FAM177A1: variants seen among roughly 807,000 people sequenced by gnomAD.
The protein encoded by FAM177A1 is family with sequence similarity 177 member A1.
In FAM177A1, 22 loss-of-function variants were observed where a neutral mutation model predicts 26.1. The ratio of observed to expected loss-of-function variants is 0.84; its 90% CI spans 0.60 to 1.20. FAM177A1 has a LOEUF of 1.20. Ranked by LOEUF, FAM177A1 falls within the 50% of genes most tolerant of loss-of-function variation. FAM177A1 has a pLI of 0.00. For missense variants in FAM177A1, 296 were observed against 291.1 expected (o/e 1.02, Z -0.12); for synonymous variants, 95 against 99.3 (o/e 0.96, Z 0.26).
At chr14:35,078,604 A>G (rs2045432119) in intron 3 of FAM177A1, among the ~76,000 whole-genome samples, 1 of 152,178 alleles carries the variant, frequency 6.6e-6, no homozygotes, top group South Asian at 2.1e-4. Context: ...TGCCTGCCTC[A>G]GCCTCCCAAA....
At chr14:35,046,259 A>C, upstream of FAM177A1, 3 of 456,280 alleles carry the variant, frequency 6.6e-6, no homozygotes, top group Non-Finnish European at 1.1e-5. Flanking sequence ...GCGAGCCGGT[A>C]GTTGCGCCTC....
intron 2 of FAM177A1, among the ~76,000 whole-genome samples, chr14:35,068,490 G>A (rs906593057): frequency 7.2e-5 from 11 of 152,136 alleles, no homozygotes; most frequent in South Asian, 2.1e-4. Flanking sequence ...GTGAACCACC[G>A]GCAGGAAATT....
chr14:35,065,075 G>A (rs1013362634), intron 2 of FAM177A1, among the ~76,000 whole-genome samples: 2 of 150,504 alleles, frequency 1.3e-5, no homozygotes, highest in Non-Finnish European at 1.5e-5. Flanking sequence ...ATTTTTTTTT[G>A]TTGTTTTTTA....
chr14:35,082,032 TC>T lies in FAM177A1; in HGVS notation c.*806del, dbSNP rs2045492148. On this transcript the variant is annotated 3_prime_UTR_variant, in exon 5 of 5. Coordinates refer to ENST00000280987, the MANE Select transcript of FAM177A1 (RefSeq NM_173607.5). ...GATAGTGGGACAGGTATAGATTTAA[TC>T]CATCAGGAGCAATTAGATATTGTAT... is the stretch of plus-strand genomic sequence containing the variant. The T allele has an allele frequency of 6.6e-6, 1 of 152,156 alleles. No homozygotes were observed. The highest frequency in any genetic ancestry group is 1.5e-5 in the Non-Finnish European group (1 of 68,038). 9.4% of individuals were successfully genotyped at this position (152,156 alleles called of 1,614,324 possible). A position where few individuals can be genotyped will look rare whatever the true frequency, so the allele number is the denominator to read the frequency against.
upstream of FAM177A1, chr14:35,045,873 C>G (rs1359116230): frequency 6.6e-6 from 1 of 152,170 alleles, no homozygotes; most frequent in East Asian, 1.9e-4. Flanking sequence ...GTATTTCAGA[C>G]AAGAGTAAGC....
At chr14:35,075,325 C>T (rs991232049) in intron 2 of FAM177A1, among the ~76,000 whole-genome samples, 8 of 152,154 alleles carry the variant, frequency 5.3e-5, no homozygotes, top group Non-Finnish European at 8.8e-5. Flanking sequence ...TTTTTTAAGA[C>T]TTAAAGAAGG....
intron 2 of FAM177A1, chr14:35,054,514 T>C (rs1489972463): frequency 1.3e-5 from 2 of 152,154 alleles, no homozygotes; most frequent in Non-Finnish European, 2.9e-5. Flanking sequence ...ATTTCTGCTC[T>C]CATATACTAG....
chr14:35,079,226 G>A (rs559531130), intron 4 of FAM177A1, among the ~76,000 whole-genome samples: 13 of 152,254 alleles, frequency 8.5e-5, no homozygotes, highest in African/African-American at 3.1e-4. Context: ...TATGATCTGT[G>A]TGCAAAACTA....
At chr14:35,076,169 A>G (rs1473671060) in intron 2 of FAM177A1, among the ~76,000 whole-genome samples, 1 of 152,208 alleles carries the variant, frequency 6.6e-6, no homozygotes, top group Non-Finnish European at 1.5e-5. Context: ...ACTATTCACA[A>G]TAGCAAAGAC....
chr14:35,061,142 C>T (rs2045147303), intron 2 of FAM177A1, among the ~76,000 whole-genome samples: 1 of 152,180 alleles, frequency 6.6e-6, no homozygotes, highest in Admixed American at 6.5e-5. Flanking sequence ...TCTTGGAACA[C>T]AGCCCCTGCA....
chr14:35,078,998 G>A lies in FAM177A1; in HGVS notation c.478G>A (p.Asp160Asn), dbSNP rs1220527721. The A allele has an allele frequency of 6.4e-7, 1 of 1,558,716 alleles. No homozygotes were observed. ...ISTPKYQYAIDEYYRMKKEEE... is the reference protein window; with the variant it reads ...ISTPKYQYAINEYYRMKKEEE... ...CACCCCAAAGTACCAATATGCCATT[G>A]ATGAATATTATCGGATGAAGAAGGA... The change falls in exon 4 of 5, where the codon GAT (aspartate) becomes AAT (asparagine). Residue 160 changes from aspartate (D) to asparagine (N), a missense_variant. Coordinates refer to ENST00000280987, the MANE Select transcript of FAM177A1 (RefSeq NM_173607.5).
chr14:35,059,903 G>A (rs1463014745), intron 2 of FAM177A1, among the ~76,000 whole-genome samples: 1 of 152,154 alleles, frequency 6.6e-6, no homozygotes, highest in African/African-American at 2.4e-5. Context: ...AACCTCAAAT[G>A]ATCCACCTTC....
rs183647679 is a variant in FAM177A1, at chr14:35,079,068, A to C, written c.504+44A>C. The stretch of plus-strand genomic sequence containing the variant: ...TTTTCTTGATTCAGTTTGGTTTGCT[A>C]TGGACTTGATGGGTTGCATAATGAG... On this transcript the variant is annotated intron_variant, in intron 4 of 4. Coordinates refer to ENST00000280987, the MANE Select transcript of FAM177A1 (RefSeq NM_173607.5). 6.9e-5 allele frequency: 99 copies of C among 1,432,832 alleles called. No homozygotes were observed. In the East Asian group the frequency reaches 2.3e-3, roughly 33 times the overall value. 88.8% of individuals were successfully genotyped at this position (1,432,832 alleles called of 1,614,324 possible). A position where few individuals can be genotyped will look rare whatever the true frequency, so the allele number is the denominator to read the frequency against.
chr14:35,080,443 G>T (rs2045463112), intron 4 of FAM177A1, among the ~76,000 whole-genome samples: 1 of 152,124 alleles, frequency 6.6e-6, no homozygotes, highest in Non-Finnish European at 1.5e-5. Context: ...AAAAAATAAA[G>T]TCCTTGTCAA....
intron 4 of FAM177A1, 130 bp from the exon 5 acceptor site, chr14:35,080,892 A>T: frequency 1.5e-6 from 2 of 1,329,670 alleles, no homozygotes; most frequent in Non-Finnish European, 2.0e-6. Context: ...TAATTAGACC[A>T]AACTGATTTG....
At position 35,053,723 on chromosome 14, in the gene FAM177A1, G is replaced by A. The variant is rs571622032; in HGVS notation, c.339+272G>A. On this transcript the variant is annotated intron_variant, in intron 2 of 4. Coordinates refer to ENST00000280987, the MANE Select transcript of FAM177A1 (RefSeq NM_173607.5). ...TTAAGATTGATCAGCCAGGCGCGGTGGCTCACACCTGTAATCCCAGCACTT... is the reference window on the plus strand; with the variant it reads ...TTAAGATTGATCAGCCAGGCGCGGTAGCTCACACCTGTAATCCCAGCACTT... Among the ~76,000 whole-genome samples, 4 of 152,216 alleles carry A rather than the reference G, an allele frequency of 2.6e-5. No homozygotes were observed. The South Asian group carries it at 8.3e-4, about 32-fold the overall frequency.
intron 2 of FAM177A1, 93 bp from the exon 3 acceptor site, chr14:35,077,057 C>T (rs563744556): frequency 1.3e-5 from 12 of 934,348 alleles, no homozygotes; most frequent in African/African-American, 8.2e-5. Context: ...AGAATATTCT[C>T]GGTGCCTACC....
chr14:35,071,278 T>G (rs2045317702), intron 2 of FAM177A1, among the ~76,000 whole-genome samples: 1 of 152,078 alleles, frequency 6.6e-6, no homozygotes, highest in East Asian at 1.9e-4. Context: ...ATTACAGGCG[T>G]GAGCCACTGC....
intron 2 of FAM177A1, among the ~76,000 whole-genome samples, chr14:35,066,818 C>T (rs982627331): frequency 2.7e-4 from 40 of 149,610 alleles, no homozygotes; most frequent in Non-Finnish European, 3.0e-5. Flanking sequence ...TTTTTTGAGA[C>T]GGAGTTTTGC....
Sources: allele counts gnomAD v4.1 joint callset (sites outside exome capture counted in the v4.1 genomes callset), GRCh38; gene constraint gnomAD v4.1.1; transcripts MANE v1.5; gene names NCBI Gene and HGNC (gene_info 2026-07-23, HGNC 2026-07-21).